Variants in TXK observed in about 807,000 individuals in gnomAD.
TXK encodes the protein TXK tyrosine kinase.
In TXK, 60 loss-of-function variants were observed where a neutral mutation model predicts 81.0. That is an observed-to-expected ratio of 0.74 (90% CI 0.60 to 0.92). The LOEUF (loss-of-function observed/expected upper bound fraction) is 0.92, where lower values mean the gene tolerates loss of function less well. Among genes scored for constraint, TXK ranks in the 40% least tolerant of loss-of-function variants. The pLI is 0.00. For missense variants in TXK, 581 were observed against 638.3 expected, an observed-to-expected ratio of 0.91 and a Z score of 0.97; for synonymous variants, 203 against 210.7, an observed-to-expected ratio of 0.96 and a Z score of 0.32.
intron 5 of TXK, among the ~76,000 whole-genome samples, chr4:48,107,723 A>C (rs2704418): frequency 0.79 from 119,605 of 151,160 alleles, 47,637 homozygotes; most frequent in African/African-American, 0.88. Flanking sequence ...CCTCGCCCCA[A>C]CCCCCGCCCC....
intron 12 of TXK, among the ~76,000 whole-genome samples, chr4:48,074,256 G>A (rs555098463): frequency 2.6e-5 from 4 of 152,252 alleles, no homozygotes; most frequent in East Asian, 3.9e-4. Flanking sequence ...TTTGTTTTAC[G>A]TGGACCTCTG....
rs763792157 is a variant in TXK, at chr4:48,112,507, G to A, written c.180C>T (p.Asn60=). Residue 60 remains asparagine, a synonymous_variant, in exon 4 of 15, where the codon AAC becomes AAT. Coordinates refer to ENST00000264316, the MANE Select transcript of TXK (RefSeq NM_003328.3). The part of the protein sequence containing the change: ...LSQLSNKKQS[N]TGRVQPSKRK... ...GTTTTGACGGCTGCACACGGCCCGT[G>A]TTGGACTGTGAAAACCAATAAGTGA... 2.5e-6 allele frequency: 4 copies of A among 1,609,360 alleles called. No individual in the cohort carries two copies. The highest frequency in any genetic ancestry group is 1.7e-5 in the Admixed American group (1 of 58,758).
rs923732879 is a variant in TXK, at chr4:48,120,283, A to G, written c.17-5881T>C. Among the ~76,000 whole-genome samples, 3 of 149,222 alleles carry G rather than the reference A, an allele frequency of 2.0e-5. No individual in the cohort carries two copies. In the Admixed American group the frequency reaches 2.0e-4, roughly 10 times the overall value. ...TACATACACACATATATACGTATATATGTATATATATGCAGTTACTTCAGC... is the reference window on the plus strand; with the variant it reads ...TACATACACACATATATACGTATATGTGTATATATATGCAGTTACTTCAGC... On this transcript the variant is annotated intron_variant, in intron 1 of 14. Transcript: ENST00000264316.
intron 1 of TXK, among the ~76,000 whole-genome samples, chr4:48,115,941 G>T (rs1718801091): frequency 6.6e-6 from 1 of 152,050 alleles, no homozygotes; most frequent in African/African-American, 2.4e-5. Flanking sequence ...TACTCATATT[G>T]ACATCCGAAA....
chr4:48,079,584 C>T (rs1252646727), intron 11 of TXK, among the ~76,000 whole-genome samples: 1 of 152,186 alleles, frequency 6.6e-6, no homozygotes, highest in Non-Finnish European at 1.5e-5. Context: ...TCCCCATATG[C>T]TCGGGGAGAC....
At chr4:48,102,393 C>CA (rs2109449936) in intron 6 of TXK, among the ~76,000 whole-genome samples, 1 of 152,192 alleles carries the variant, frequency 6.6e-6, no homozygotes, top group East Asian at 1.9e-4. Flanking sequence ...ACAGACACTT[C>CA]AAAAGTAACT....
intron 1 of TXK, among the ~76,000 whole-genome samples, chr4:48,132,594 G>A (rs1399837442): frequency 6.6e-6 from 1 of 152,100 alleles, no homozygotes; most frequent in Non-Finnish European, 1.5e-5. Context: ...ATATATGTGT[G>A]TATGTGTGTG....
chr4:48,068,056 C>T (rs184394047), intron 14 of TXK, among the ~76,000 whole-genome samples: 177 of 152,246 alleles, frequency 1.2e-3, no homozygotes, highest in South Asian at 1.0e-2. Context: ...AAAAATAAAA[C>T]GGCTAGACCT....
At chr4:48,107,939 C>T (rs1229363933) in intron 5 of TXK, among the ~76,000 whole-genome samples, 2 of 143,926 alleles carry the variant, frequency 1.4e-5, no homozygotes, top group African/African-American at 2.6e-5. Context: ...GGCGTGGTGG[C>T]GGGCGCCTGT....
chr4:48,098,644 A>G (rs771089147), intron 6 of TXK, among the ~76,000 whole-genome samples: 3 of 152,168 alleles, frequency 2.0e-5, no homozygotes, highest in Non-Finnish European at 4.4e-5. Context: ...GCATCGTGCT[A>G]TATGTGGAAA....
chr4:48,079,761 CAA>C, intron 11 of TXK, 149 bp downstream of exon 11: 1 of 691,468 alleles, frequency 1.4e-6, no homozygotes, highest in Non-Finnish European at 2.4e-6. Context: ...CAATTGAAAA[CAA>C]AGTTACATTT....
chr4:48,131,317 CTTTT>C (rs35308874), intron 1 of TXK, among the ~76,000 whole-genome samples: 2 of 145,096 alleles, frequency 1.4e-5, no homozygotes, highest in Non-Finnish European at 1.5e-5. Flanking sequence ...AACATATAAA[CTTTT>C]TTTTTTTTTT....
intron 8 of TXK, 96 bp downstream of exon 8, chr4:48,093,981 G>A: frequency 6.8e-7 from 1 of 1,465,216 alleles, no homozygotes; most frequent in Non-Finnish European, 9.5e-7. Flanking sequence ...TATTTCTATA[G>A]GGAGATTTGC....
intron 10 of TXK, among the ~76,000 whole-genome samples, chr4:48,082,005 C>T (rs1717320474): frequency 6.6e-6 from 1 of 152,204 alleles, no homozygotes; most frequent in Non-Finnish European, 1.5e-5. Context: ...CAATTCTCCT[C>T]TTTCCATCTC....
chr4:48,080,703 CAA>C (rs59520323), intron 10 of TXK, among the ~76,000 whole-genome samples: 3 of 144,294 alleles, frequency 2.1e-5, no homozygotes, highest in African/African-American at 7.7e-5. Context: ...CACACACACA[CAA>C]AGACTTGAAT....
intron 11 of TXK, among the ~76,000 whole-genome samples, chr4:48,078,422 G>A (rs1294111007): frequency 6.6e-6 from 1 of 152,188 alleles, no homozygotes; most frequent in South Asian, 2.1e-4. Flanking sequence ...TGTGATGGAA[G>A]CACAGAATTA....
At chr4:48,116,583 C>T (rs80147953) in intron 1 of TXK, among the ~76,000 whole-genome samples, 2,877 of 152,254 alleles carry the variant, frequency 0.019, 36 homozygotes, top group African/African-American at 0.031. Flanking sequence ...TTACCAGAAC[C>T]TAGAAGGAGA....
At chr4:48,070,422 G>A (rs1577643281) in intron 14 of TXK, among the ~76,000 whole-genome samples, 1 of 152,174 alleles carries the variant, frequency 6.6e-6, no homozygotes, top group East Asian at 1.9e-4. Flanking sequence ...CCAGAAGACA[G>A]ATGAAACCCA....
rs369345775 is a variant in TXK, at chr4:48,090,463, T to C, written c.710-639A>G. On this transcript the variant is annotated intron_variant, in intron 8 of 14. Coordinates refer to ENST00000264316, the MANE Select transcript of TXK (RefSeq NM_003328.3). ...AATAGCATGGTAGAGTAAATGAGAC[T>C]TCATTTAATTGGGTTAACATATAGA... Among the ~76,000 whole-genome samples the C allele has an allele frequency of 1.2e-4, 19 of 152,350 alleles. No homozygotes were observed. The East Asian group carries it at 3.5e-3, about 28-fold the overall frequency.
Sources: allele counts gnomAD v4.1 joint callset (sites outside exome capture counted in the v4.1 genomes callset), GRCh38; gene constraint gnomAD v4.1.1; transcripts MANE v1.5; gene names NCBI Gene and HGNC (gene_info 2026-07-23, HGNC 2026-07-21).